The following TMEM108 variants were observed in gnomAD, a reference collection of about 807,000 sequenced individuals.
TMEM108 encodes transmembrane protein 108, also known as cancer/testis antigen 124.
Under a neutral mutation model 35.1 loss-of-function variants are expected in TMEM108, and 12 were observed. The ratio of observed to expected loss-of-function variants is 0.34; its 90% CI spans 0.22 to 0.55. The LOEUF (loss-of-function observed/expected upper bound fraction) is 0.55, where lower values mean the gene tolerates loss of function less well. TMEM108 is among the 20% of genes least tolerant of loss of function. The pLI is 0.89. For missense variants in TMEM108, 680 were observed against 753.3 expected (o/e 0.90, Z 1.14); for synonymous variants, 287 against 308.6 (o/e 0.93, Z 0.73).
chr3:133,360,934 C>CA (rs1212261286), intron 3 of TMEM108, among the ~76,000 whole-genome samples: 4 of 152,046 alleles, frequency 2.6e-5, no homozygotes, highest in Non-Finnish European at 4.4e-5. Context: ...TAAAAACAAA[C>CA]AAAAAAATAT....
intron 2 of TMEM108, among the ~76,000 whole-genome samples, chr3:133,054,969 G>A (rs541332385): frequency 6.6e-6 from 1 of 152,312 alleles, no homozygotes; most frequent in Admixed American, 6.5e-5. Context: ...TTCAACTGCT[G>A]GTTGAGGAAA....
At chr3:133,110,738 T>A (rs1944214921) in intron 2 of TMEM108, among the ~76,000 whole-genome samples, 1 of 152,232 alleles carries the variant, frequency 6.6e-6, no homozygotes, top group Non-Finnish European at 1.5e-5. Context: ...GAAGCGAGAC[T>A]GTCTCCTAAG....
chr3:133,320,645 A>G (rs1346768577), intron 3 of TMEM108, among the ~76,000 whole-genome samples: 2 of 152,220 alleles, frequency 1.3e-5, no homozygotes, highest in Non-Finnish European at 2.9e-5. Context: ...AAATCTAGAC[A>G]TCCAAATACA....
chr3:133,353,288 A>C (rs2072062564), intron 3 of TMEM108, among the ~76,000 whole-genome samples: 1 of 152,222 alleles, frequency 6.6e-6, no homozygotes, highest in African/African-American at 2.4e-5. Context: ...TCCAACCTCC[A>C]TGAAGTTGAA....
At chr3:133,138,425 C>T (rs1438097630) in intron 2 of TMEM108, among the ~76,000 whole-genome samples, 3 of 152,254 alleles carry the variant, frequency 2.0e-5, no homozygotes, top group East Asian at 3.9e-4. Context: ...GGGCTGCATG[C>T]GGCGGCCCAG....
rs535859751 is a variant in TMEM108 at position 133,342,953 on chromosome 3, G to A, written c.41-36799G>A. ...CAAAGAAATGATAGATGTTTGAGAT[G>A]ATGGATATGGCAATACCCTGATTTG... On this transcript the variant is annotated intron_variant, in intron 3 of 5. Transcript: ENST00000321871. Among the ~76,000 whole-genome samples, 6 of 151,816 alleles carry A rather than the reference G, an allele frequency of 4.0e-5. No individual in the cohort carries two copies. In the South Asian group the frequency reaches 1.2e-3, roughly 32 times the overall value.
At chr3:133,189,866 A>G (rs532933569) in intron 2 of TMEM108, among the ~76,000 whole-genome samples, 404 of 152,338 alleles carry the variant, frequency 2.7e-3, no homozygotes, top group South Asian at 9.3e-3. Flanking sequence ...TTTGGCTTGT[A>G]TATATAAATT....
chr3:133,166,978 C>A, intron 2 of TMEM108, among the ~76,000 whole-genome samples: 1 of 151,014 alleles, frequency 6.6e-6, no homozygotes, highest in East Asian at 1.9e-4. Flanking sequence ...GGTGCATTTA[C>A]AATCTCTGAG....
intron 3 of TMEM108, among the ~76,000 whole-genome samples, chr3:133,285,353 G>A (rs1242282792): frequency 6.6e-6 from 1 of 152,180 alleles, no homozygotes; most frequent in Non-Finnish European, 1.5e-5. Flanking sequence ...ATTTTAAGTG[G>A]AAGATAATTT....
chr3:133,092,460 T>C (rs931090506), intron 2 of TMEM108, among the ~76,000 whole-genome samples: 1 of 149,830 alleles, frequency 6.7e-6, no homozygotes, highest in Non-Finnish European at 1.5e-5. Flanking sequence ...TAAAATATTA[T>C]AATAACTCAC....
At position 133,181,027 on chromosome 3, in the gene TMEM108, A is replaced by AC. The variant is rs1559859776; in HGVS notation, c.-46-48239_-46-48238insC. Among the ~76,000 whole-genome samples the AC allele has an allele frequency of 6.5e-3, 939 of 144,922 alleles. 15 individuals carry two copies. The highest frequency in any genetic ancestry group is 0.025 in the African/African-American group (892 of 36,220). On this transcript the variant is annotated intron_variant, in intron 2 of 5. Transcript: ENST00000321871. ...TTGTGTTAAAAAAAAAAAAAAAAAAAAAAAAAAAAAACAGCACTCCCAAAG... is the reference window on the plus strand; with the variant it reads ...TTGTGTTAAAAAAAAAAAAAAAAAAACAAAAAAAAAAACAGCACTCCCAAAG...
chr3:133,318,051 C>T (rs959820787), intron 3 of TMEM108, among the ~76,000 whole-genome samples: 4 of 152,230 alleles, frequency 2.6e-5, no homozygotes, highest in African/African-American at 9.6e-5. Context: ...ATTTCCCTGT[C>T]TATCAAGTGA....
At chr3:133,107,821 G>A (rs1944174273) in intron 2 of TMEM108, among the ~76,000 whole-genome samples, 1 of 152,154 alleles carries the variant, frequency 6.6e-6, no homozygotes, top group Non-Finnish European at 1.5e-5. Context: ...TGGGTGTAAT[G>A]AATACTTTCC....
intron 3 of TMEM108, among the ~76,000 whole-genome samples, chr3:133,372,129 A>G (rs4479595): frequency 2.0e-5 from 3 of 152,268 alleles, no homozygotes; most frequent in Admixed American, 1.3e-4. Flanking sequence ...GTTGCCCCCA[A>G]GTGTTGCTGC....
chr3:133,115,740 A>G (rs1944280442), intron 2 of TMEM108, among the ~76,000 whole-genome samples: 1 of 152,190 alleles, frequency 6.6e-6, no homozygotes, highest in African/African-American at 2.4e-5. Context: ...AGATAGGGGG[A>G]GGAAGTGGTG....
intron 2 of TMEM108, among the ~76,000 whole-genome samples, chr3:133,164,471 T>C (rs79073391): frequency 0.015 from 2,277 of 152,270 alleles, 58 homozygotes; most frequent in African/African-American, 0.052. Flanking sequence ...GTATTGGAGC[T>C]GGAATGGCAG....
intron 2 of TMEM108, among the ~76,000 whole-genome samples, chr3:133,101,931 A>C (rs181100125): frequency 6.6e-6 from 1 of 152,314 alleles, no homozygotes; most frequent in African/African-American, 2.4e-5. Context: ...TTTATTTTCC[A>C]GTCTTGTATG....
At chr3:133,264,794 C>T (rs1329239519) in intron 3 of TMEM108, among the ~76,000 whole-genome samples, 1 of 152,270 alleles carries the variant, frequency 6.6e-6, no homozygotes, top group East Asian at 1.9e-4. Flanking sequence ...ACCCTATAGG[C>T]TTACTGAAGG....
chr3:133,357,672 A>G (rs2072215315), intron 3 of TMEM108, among the ~76,000 whole-genome samples: 1 of 152,244 alleles, frequency 6.6e-6, no homozygotes. Flanking sequence ...GAAGTAACTT[A>G]GGAATGCAAA....
Sources: allele counts gnomAD v4.1 joint callset (sites outside exome capture counted in the v4.1 genomes callset), GRCh38; gene constraint gnomAD v4.1.1; transcripts MANE v1.5; gene names NCBI Gene and HGNC (gene_info 2026-07-23, HGNC 2026-07-21).